The following PRDM5 variants were observed in gnomAD, a reference collection of about 807,000 sequenced individuals.
The protein encoded by PRDM5 is PR/SET domain 5, also known as PR domain zinc finger protein 5.
A neutral mutation model predicts 81.2 loss-of-function variants in PRDM5; 56 were observed. The observed-to-expected ratio is 0.69, with a 90% confidence interval of 0.56 to 0.86. The LOEUF is 0.86. PRDM5 is among the 40% of genes least tolerant of loss of function. The pLI, the probability that PRDM5 is intolerant of heterozygous loss-of-function variation, is 0.00. For synonymous variants in PRDM5, 267 were observed against 256.4 expected (o/e 1.04, Z -0.39); for missense variants, 697 against 770.1 (o/e 0.91, Z 1.12).
intron 3 of PRDM5, among the ~76,000 whole-genome samples, chr4:120,828,439 T>G (rs1756309076): frequency 6.6e-6 from 1 of 152,024 alleles, no homozygotes; most frequent in Non-Finnish European, 1.5e-5. Context: ...TAGTAAATTC[T>G]AGAGCCAATC....
At chr4:120,798,491 C>A (rs1371230765) in intron 9 of PRDM5, 67 bp from the exon 10 acceptor site, 13 of 1,406,736 alleles carry the variant, frequency 9.2e-6, no homozygotes, top group Admixed American at 9.2e-5. Flanking sequence ...GAGAAAACAC[C>A]CTTACCTTAT....
At chr4:120,872,160 A>AAAAAAAAAAAAAAAC (rs1761888356) in intron 2 of PRDM5, among the ~76,000 whole-genome samples, 1 of 146,970 alleles carries the variant, frequency 6.8e-6, no homozygotes, top group Admixed American at 6.7e-5. Flanking sequence ...CAAAAAAAAA[A>AAAAAAAAAAAAAAAC]AAAAAAAAAA....
intron 14 of PRDM5, among the ~76,000 whole-genome samples, chr4:120,715,565 A>G (rs925638741): frequency 2.0e-5 from 3 of 152,212 alleles, no homozygotes; most frequent in Admixed American, 6.5e-5. Flanking sequence ...ATGAAAAGGT[A>G]GTTTTAAGTA....
At chr4:120,769,838 C>T (rs1001821388) in intron 13 of PRDM5, among the ~76,000 whole-genome samples, 12 of 152,132 alleles carry the variant, frequency 7.9e-5, no homozygotes, top group East Asian at 3.9e-4. Context: ...AACAACAAAA[C>T]GTCTGTTTAT....
chr4:120,719,154 T>C (rs955365132), intron 14 of PRDM5, among the ~76,000 whole-genome samples: 53 of 152,150 alleles, frequency 3.5e-4, no homozygotes, highest in Non-Finnish European at 1.5e-4. Flanking sequence ...GTGCACCCAC[T>C]AGATGTCAGT....
At chr4:120,883,149 C>T (rs972967111) in intron 2 of PRDM5, among the ~76,000 whole-genome samples, 1 of 152,088 alleles carries the variant, frequency 6.6e-6, no homozygotes, top group African/African-American at 2.4e-5. Context: ...AATGCAAGCA[C>T]ATTACTTACA....
At chr4:120,710,601 T>C (rs1455900252) in intron 14 of PRDM5, among the ~76,000 whole-genome samples, 188 bp from the exon 15 acceptor site, 4 of 152,148 alleles carry the variant, frequency 2.6e-5, no homozygotes, top group South Asian at 2.1e-4. Flanking sequence ...CCATATGTCA[T>C]GGGAAGGACC....
At chr4:120,886,928 ATTC>A (rs930712966) in intron 2 of PRDM5, among the ~76,000 whole-genome samples, 12 of 150,502 alleles carry the variant, frequency 8.0e-5, no homozygotes, top group Non-Finnish European at 1.6e-4. Flanking sequence ...CTTAAAAGTC[ATTC>A]TTGACTCTTC....
At chr4:120,800,975 A>T (rs185044266) in intron 8 of PRDM5, among the ~76,000 whole-genome samples, 236 of 152,352 alleles carry the variant, frequency 1.5e-3, no homozygotes, top group African/African-American at 5.4e-3. Flanking sequence ...TGGTATGAAA[A>T]GTAAAAGTCT....
intron 8 of PRDM5, among the ~76,000 whole-genome samples, chr4:120,801,102 A>G (rs780544675): frequency 2.0e-5 from 3 of 152,236 alleles, no homozygotes; most frequent in South Asian, 2.1e-4. Context: ...TGAATATTCA[A>G]AAATGGTTGT....
At chr4:120,838,031 T>C (rs1417052362) in intron 3 of PRDM5, 1 of 152,210 alleles carries the variant, frequency 6.6e-6, no homozygotes, top group African/African-American at 2.4e-5. Flanking sequence ...TAATTAAGTA[T>C]AATAAGACAG....
intron 14 of PRDM5, among the ~76,000 whole-genome samples, chr4:120,729,669 C>A (rs1443619992): frequency 6.6e-6 from 1 of 152,166 alleles, no homozygotes; most frequent in African/African-American, 2.4e-5. Flanking sequence ...AAAATGTGGA[C>A]AGTAAGTCTC....
intron 2 of PRDM5, among the ~76,000 whole-genome samples, chr4:120,890,805 C>T (rs1211817149): frequency 6.6e-6 from 1 of 152,092 alleles, no homozygotes; most frequent in African/African-American, 2.4e-5. Flanking sequence ...ATTTGTCCAC[C>T]TTTAAATGGG....
chr4:120,734,135 G>A (rs1046937914), intron 14 of PRDM5, among the ~76,000 whole-genome samples: 1 of 152,082 alleles, frequency 6.6e-6, no homozygotes, highest in African/African-American at 2.4e-5. Context: ...GGGCACGGGC[G>A]GGGCAGACGG....
Position 120,722,230 on chromosome 4 carries a change from G to A in PRDM5, c.1624-11817C>T, listed in dbSNP as rs371338911. 2.1e-4 allele frequency among the ~76,000 whole-genome samples: 32 copies of A among 152,136 alleles called. No homozygotes were observed. In the East Asian group the frequency reaches 3.3e-3, roughly 16 times the overall value. On this transcript the variant is annotated intron_variant, in intron 14 of 15. Transcript: ENST00000264808. ...TTTCTGCTCATCCACCCACTCCCTC[G>A]AACCTCAGCACGGATCAGAACCTGA...
At chr4:120,821,675 T>C (rs1755294379) in intron 3 of PRDM5, among the ~76,000 whole-genome samples, 1 of 151,968 alleles carries the variant, frequency 6.6e-6, no homozygotes, top group Non-Finnish European at 1.5e-5. Flanking sequence ...AACAGTGTCA[T>C]TCACACATGC....
intron 3 of PRDM5, among the ~76,000 whole-genome samples, chr4:120,840,738 C>A (rs185620066): frequency 1.3e-5 from 2 of 152,212 alleles, no homozygotes; most frequent in Non-Finnish European, 2.9e-5. Flanking sequence ...GCCTGACAGG[C>A]GACCCAGCCC....
chr4:120,701,926 A>G (rs931577691), intron 15 of PRDM5, among the ~76,000 whole-genome samples: 1 of 152,210 alleles, frequency 6.6e-6, no homozygotes, highest in Non-Finnish European at 1.5e-5. Flanking sequence ...TCTGAAAACT[A>G]AAGCCTAGAT....
chr4:120,910,170 G>A (rs1013695888), intron 1 of PRDM5, among the ~76,000 whole-genome samples: 3 of 152,098 alleles, frequency 2.0e-5, no homozygotes, highest in Non-Finnish European at 4.4e-5. Flanking sequence ...AACACTGATA[G>A]GGGAGGTAAA....
Sources: allele counts gnomAD v4.1 joint callset (sites outside exome capture counted in the v4.1 genomes callset), GRCh38; gene constraint gnomAD v4.1.1; transcripts MANE v1.5; gene names NCBI Gene and HGNC (gene_info 2026-07-23, HGNC 2026-07-21).